ENKUR: variants seen among roughly 807,000 people sequenced by gnomAD.
The protein encoded by ENKUR is enkurin, TRPC channel interacting protein, also known as enkurin.
ENKUR carries 19 observed loss-of-function variants against 27.6 expected under a neutral mutation model. The ratio of observed to expected loss-of-function variants is 0.69; its 90% CI spans 0.48 to 1.01. ENKUR has a LOEUF of 1.01. Among genes scored for constraint, ENKUR ranks in the 50% least tolerant of loss-of-function variants. The pLI is 0.00. For missense variants in ENKUR, 312 were observed against 310.5 expected (o/e 1.00, Z -0.04); for synonymous variants, 117 against 96.9 (o/e 1.21, Z -1.22).
At chr10:25,007,313 A>G (rs945788043) in intron 1 of ENKUR, among the ~76,000 whole-genome samples, 1 of 152,198 alleles carries the variant, frequency 6.6e-6, no homozygotes, top group Non-Finnish European at 1.5e-5. Flanking sequence ...GATTTTAAGG[A>G]GTATTGTTGT....
At chr10:24,998,540 A>G (rs985638142) in intron 2 of ENKUR, among the ~76,000 whole-genome samples, 1 of 151,724 alleles carries the variant, frequency 6.6e-6, no homozygotes, top group South Asian at 2.1e-4. Context: ...ACACCTAGCT[A>G]ATTTTTTTTA....
chr10:24,986,483 A>C (rs1849781961), intron 4 of ENKUR, among the ~76,000 whole-genome samples: 1 of 152,264 alleles, frequency 6.6e-6, no homozygotes, highest in Admixed American at 6.5e-5. Context: ...AGCCCTCAAA[A>C]GAATTCTATT....
chr10:25,018,066 T>C (rs1334339245), upstream of ENKUR, among the ~76,000 whole-genome samples: 5 of 152,200 alleles, frequency 3.3e-5, no homozygotes, highest in Non-Finnish European at 5.9e-5. Flanking sequence ...GCCTTGATGT[T>C]CTGGGGTTAC....
chr10:24,985,035 T>C lies in ENKUR; in HGVS notation c.595-130A>G, dbSNP rs1173004235. Reference sequence around the variant, plus strand: ...GACAAAAATAACTTCTAAAATGAAATGTATTTATCAAGTACTTGGCCACGG... The same window carrying C: ...GACAAAAATAACTTCTAAAATGAAACGTATTTATCAAGTACTTGGCCACGG... On this transcript the variant is annotated intron_variant, in intron 4 of 5. Coordinates refer to ENST00000331161, the MANE Select transcript of ENKUR (RefSeq NM_145010.4). 1.5e-5 allele frequency: 12 copies of C among 775,654 alleles called. No individual in the cohort carries two copies. The East Asian group carries it at 3.0e-4, about 19-fold the overall frequency. 48.0% of individuals were successfully genotyped at this position (775,654 alleles called of 1,614,324 possible).
chr10:24,995,899 T>G (rs1309405484), intron 2 of ENKUR, 30 bp from the exon 3 acceptor site: 1 of 1,558,438 alleles, frequency 6.4e-7, no homozygotes, highest in Non-Finnish European at 8.7e-7. Context: ...TTTGTTAATA[T>G]TAAACTACAA....
At chr10:24,993,849 G>T (rs960716453) in intron 3 of ENKUR, among the ~76,000 whole-genome samples, 18 of 152,186 alleles carry the variant, frequency 1.2e-4, no homozygotes, top group African/African-American at 4.3e-4. Flanking sequence ...CAGAAGGGAG[G>T]GGCAGAGTGT....
intron 3 of ENKUR, among the ~76,000 whole-genome samples, chr10:24,994,945 C>G (rs77980800): frequency 6.6e-6 from 1 of 152,052 alleles, no homozygotes; most frequent in African/African-American, 2.4e-5. Flanking sequence ...TCACTCGAGC[C>G]GGAAGTTGGA....
In ENKUR at chr10:24,995,880, T is replaced by G. The variant is rs1386401491; in HGVS notation, c.224-11A>C. On this transcript the variant is annotated splice_polypyrimidine_tract_variant and intron_variant, in intron 2 of 5. Coordinates refer to ENST00000331161, the MANE Select transcript of ENKUR (RefSeq NM_145010.4). ...GATCAAAGTTTTTTTCTGTTAAATA[T>G]AACATTTCTTTGTTAATATTAAACT... 1 of 1,590,196 alleles carries G rather than the reference T, an allele frequency of 6.3e-7. No homozygotes were observed.
intron 2 of ENKUR, among the ~76,000 whole-genome samples, chr10:25,027,938 A>G (rs1355862156): frequency 6.6e-6 from 1 of 152,192 alleles, no homozygotes; most frequent in Non-Finnish European, 1.5e-5. Context: ...GTACAAGCAA[A>G]AGAGTTATTG....
intron 2 of ENKUR, among the ~76,000 whole-genome samples, chr10:25,037,419 G>A (rs1225607039): frequency 1.3e-5 from 2 of 152,132 alleles, no homozygotes; most frequent in Non-Finnish European, 2.9e-5. Flanking sequence ...AGAAATTCTG[G>A]CTTGGAAAAT....
chr10:25,054,116 C>T (rs1446680591), intron 2 of ENKUR, among the ~76,000 whole-genome samples: 1 of 152,112 alleles, frequency 6.6e-6, no homozygotes, highest in Non-Finnish European at 1.5e-5. Flanking sequence ...GGGATAAAAA[C>T]TTGCTTTAAA....
At chr10:25,029,989 C>A (rs1296698040) in intron 2 of ENKUR, among the ~76,000 whole-genome samples, 1 of 152,200 alleles carries the variant, frequency 6.6e-6, no homozygotes, top group Non-Finnish European at 1.5e-5. Flanking sequence ...TTTCTTAGAT[C>A]TGAGTTAGGG....
At chr10:25,039,926 A>T (rs111808582) in intron 2 of ENKUR, among the ~76,000 whole-genome samples, 37 of 141,080 alleles carry the variant, frequency 2.6e-4, no homozygotes, top group Non-Finnish European at 5.3e-4. Context: ...GTACCCTAGA[A>T]CTTAAAGTAT....
At chr10:25,016,938 C>T (rs938398300), upstream of ENKUR, 7 of 152,498 alleles carry the variant, frequency 4.6e-5, no homozygotes, top group African/African-American at 1.4e-4. Flanking sequence ...GTCGAGGCTC[C>T]TCGGAACGCC....
chr10:25,032,322 G>GC (rs1003620358), intron 2 of ENKUR, among the ~76,000 whole-genome samples: 2 of 148,602 alleles, frequency 1.3e-5, no homozygotes, highest in African/African-American at 5.0e-5. Context: ...GAAGGGGGGG[G>GC]GGCTATGATC....
chr10:25,015,310 C>T (rs1488440201), intron 1 of ENKUR, among the ~76,000 whole-genome samples: 1 of 152,150 alleles, frequency 6.6e-6, no homozygotes, highest in East Asian at 1.9e-4. Flanking sequence ...ACCATTAGAT[C>T]TGAAAAAGTC....
chr10:25,020,327 AAC>A (rs1374213305), upstream of ENKUR, among the ~76,000 whole-genome samples: 1 of 151,178 alleles, frequency 6.6e-6, no homozygotes, highest in Admixed American at 6.6e-5. Context: ...AAAATTTAAA[AAC>A]AAGAGGGTAG....
In ENKUR at chr10:25,027,356, T is replaced by TAAAA. The variant is rs1564352066; in HGVS notation, c.38-31488_38-31487insTTTT. On this transcript the variant is annotated intron_variant, in intron 2 of 5. Transcript: ENST00000615958. ...TGGGTGACAGAGCAAGACTCCCGTC[T>TAAAA]CAAAAAAAAAAAAAAAAAAAAAAAA... Among the ~76,000 whole-genome samples the TAAAA allele has an allele frequency of 1.8e-3, 84 of 45,732 alleles. 13 individuals are homozygous for TAAAA. Among genetic ancestry groups the TAAAA allele is most frequent in the South Asian group, 4.1e-3 (5 of 1,234 alleles). The allele number at this position is 45,732 out of a possible 152,430, so 30.0% of individuals were successfully genotyped here.
chr10:25,017,831 A>G (rs987235506), upstream of ENKUR, among the ~76,000 whole-genome samples: 24 of 152,084 alleles, frequency 1.6e-4, 1 homozygote. Flanking sequence ...CTGTTTAGCA[A>G]GTATAGAGAA....
Sources: gnomAD v4.1 joint callset for allele counts (sites outside exome capture counted in the v4.1 genomes callset) on GRCh38, gnomAD v4.1.1 for gene constraint, MANE v1.5 for transcripts, NCBI Gene and HGNC (gene_info 2026-07-23, HGNC 2026-07-21) for gene names.